The following GRID2 variants were observed in gnomAD, a reference collection of about 807,000 sequenced individuals.
The protein encoded by GRID2 is glutamate receptor ionotropic, delta-2.
GRID2 carries 33 observed loss-of-function variants against 114.8 expected under a neutral mutation model. That is an observed-to-expected ratio of 0.29 (90% confidence interval 0.22 to 0.38). The LOEUF is 0.38. GRID2 is among the 10% of genes least tolerant of loss of function. The probability of loss-of-function intolerance (pLI) is 1.00; values close to 1 mark genes in which losing one functional copy is unlikely to be tolerated. For missense variants in GRID2, 1,184 were observed against 1,257.7 expected (o/e 0.94, Z 0.89); for synonymous variants, 505 against 449.9 (o/e 1.12, Z -1.55).
intron 2 of GRID2, among the ~76,000 whole-genome samples, chr4:92,673,176 T>C (rs938844120): frequency 6.6e-6 from 1 of 152,088 alleles, no homozygotes; most frequent in African/African-American, 2.4e-5. Flanking sequence ...TGTGTATCTT[T>C]ATTTTATATA....
chr4:92,740,686 TAGATGATAGATA>T (rs1263523480), intron 2 of GRID2, among the ~76,000 whole-genome samples: 1,015 of 76,420 alleles, frequency 0.013, 8 homozygotes, highest in African/African-American at 0.037. Context: ...GATAGATAGA[TAGATGATAGATA>T]GATAGATAGA....
chr4:93,698,139 A>C (rs904020077), intron 14 of GRID2, among the ~76,000 whole-genome samples: 9 of 151,970 alleles, frequency 5.9e-5, no homozygotes, highest in Non-Finnish European at 1.3e-4. Flanking sequence ...AAACACTTTT[A>C]TAAGCTATCA....
intron 2 of GRID2, among the ~76,000 whole-genome samples, chr4:93,040,236 G>A (rs1337587225): frequency 6.6e-6 from 1 of 151,054 alleles, no homozygotes; most frequent in Non-Finnish European, 1.5e-5. Flanking sequence ...AAATTGATGT[G>A]TTTGGGAAGC....
intron 2 of GRID2, among the ~76,000 whole-genome samples, chr4:92,864,264 C>T (rs1210315441): frequency 6.6e-6 from 1 of 152,178 alleles, no homozygotes; most frequent in Non-Finnish European, 1.5e-5. Context: ...ACTTCTTAGT[C>T]ACTTCCCATG....
chr4:93,197,530 A>C (rs1009047284), intron 4 of GRID2, among the ~76,000 whole-genome samples: 5 of 152,214 alleles, frequency 3.3e-5, no homozygotes, highest in African/African-American at 1.2e-4. Flanking sequence ...TATTAATGAC[A>C]TACTGTAAAT....
At chr4:93,207,487 CTG>C (rs756193035) in intron 5 of GRID2, 30 bp downstream of exon 5, 11 of 1,397,102 alleles carry the variant, frequency 7.9e-6, no homozygotes, top group Middle Eastern at 1.8e-4. Flanking sequence ...ATTGTTAACT[CTG>C]TGTCCTTTTT....
intron 8 of GRID2, among the ~76,000 whole-genome samples, chr4:93,289,254 TACTG>T (rs1228340767): frequency 1.3e-5 from 2 of 152,306 alleles, no homozygotes; most frequent in South Asian, 2.1e-4. Flanking sequence ...TCTATTATCA[TACTG>T]ACTATCAAAT....
At chr4:93,329,821 C>G (rs1202583515) in intron 8 of GRID2, among the ~76,000 whole-genome samples, 2 of 151,966 alleles carry the variant, frequency 1.3e-5, no homozygotes, top group Admixed American at 1.3e-4. Context: ...GTATCTGAGT[C>G]CCCTACAGGA....
At chr4:93,753,513 G>A (rs1210429755) in intron 14 of GRID2, among the ~76,000 whole-genome samples, 1 of 151,984 alleles carries the variant, frequency 6.6e-6, no homozygotes, top group Admixed American at 6.6e-5. Flanking sequence ...CCCATGACAG[G>A]CCCCAGTGTG....
intron 8 of GRID2, among the ~76,000 whole-genome samples, chr4:93,322,122 G>A (rs1434769765): frequency 1.3e-5 from 2 of 150,888 alleles, no homozygotes; most frequent in Admixed American, 6.6e-5. Flanking sequence ...ATGTACACAT[G>A]TGCCATGTTG....
At chr4:92,641,306 T>C (rs184039740) in intron 2 of GRID2, among the ~76,000 whole-genome samples, 1 of 151,792 alleles carries the variant, frequency 6.6e-6, no homozygotes, top group African/African-American at 2.4e-5. Context: ...TAAATTTAAT[T>C]TTTTTAGGAC....
intron 2 of GRID2, among the ~76,000 whole-genome samples, chr4:92,865,509 A>T (rs945866579): frequency 6.6e-6 from 1 of 152,188 alleles, no homozygotes; most frequent in Non-Finnish European, 1.5e-5. Context: ...TTTGTCTATA[A>T]CTTGCCTAAT....
chr4:92,705,618 T>C (rs1342186114), intron 2 of GRID2, among the ~76,000 whole-genome samples: 1 of 152,192 alleles, frequency 6.6e-6, no homozygotes, highest in Non-Finnish European at 1.5e-5. Flanking sequence ...ACTTTTATTG[T>C]CCTACCTACA....
chr4:92,530,323 T>C (rs1297002397), intron 1 of GRID2, among the ~76,000 whole-genome samples: 1 of 151,920 alleles, frequency 6.6e-6, no homozygotes, highest in East Asian at 1.9e-4. Context: ...AGTCTCAGCA[T>C]TACTAAAAGT....
intron 14 of GRID2, among the ~76,000 whole-genome samples, chr4:93,651,060 C>A (rs1224277027): frequency 6.6e-6 from 1 of 152,192 alleles, no homozygotes; most frequent in African/African-American, 2.4e-5. Flanking sequence ...TCTCTGAAAA[C>A]TGGCTACCTC....
intron 2 of GRID2, among the ~76,000 whole-genome samples, chr4:92,860,691 A>G (rs1450302738): frequency 6.6e-6 from 1 of 152,150 alleles, no homozygotes; most frequent in Non-Finnish European, 1.5e-5. Context: ...CTATTCATTT[A>G]TTCATTCGGT....
intron 2 of GRID2, among the ~76,000 whole-genome samples, chr4:92,803,640 A>T (rs999697068): frequency 2.0e-5 from 3 of 151,888 alleles, no homozygotes; most frequent in African/African-American, 7.2e-5. Flanking sequence ...AGATTTTCAG[A>T]GCATTTTATT....
chr4:93,075,279 T>C (rs1729157518), intron 2 of GRID2, among the ~76,000 whole-genome samples: 1 of 152,218 alleles, frequency 6.6e-6, no homozygotes, highest in African/African-American at 2.4e-5. Flanking sequence ...TGAACAGCTC[T>C]ATTCCTGAGC....
intron 8 of GRID2, among the ~76,000 whole-genome samples, chr4:93,335,784 C>T (rs1435866966): frequency 6.6e-6 from 1 of 151,668 alleles, no homozygotes; most frequent in Non-Finnish European, 1.5e-5. Context: ...CCACAGCCTC[C>T]ACCTCCTGGG....
Sources: gnomAD v4.1 joint callset for allele counts (sites outside exome capture counted in the v4.1 genomes callset) on GRCh38, gnomAD v4.1.1 for gene constraint, MANE v1.5 for transcripts, NCBI Gene and HGNC (gene_info 2026-07-23, HGNC 2026-07-21) for gene names.